OR1B1: variants seen among roughly 807,000 people sequenced by gnomAD.
OR1B1 encodes olfactory receptor 1B1.
For synonymous variants in OR1B1, 168 were observed against 156.2 expected (o/e 1.08, Z -0.57); for missense variants, 414 against 402.1 (o/e 1.03, Z -0.25).
chr9:122,650,092 C>A, the OR1B1 span, among the ~76,000 whole-genome samples: 6 of 152,234 alleles, frequency 3.9e-5, no homozygotes, highest in Admixed American at 3.9e-4. Context: ...AGTTCATGTC[C>A]TTTGCAGGGA....
the OR1B1 span, among the ~76,000 whole-genome samples, chr9:122,640,809 GTAGTCACATGA>G: frequency 3.9e-5 from 6 of 152,082 alleles, no homozygotes; most frequent in Admixed American, 6.6e-5. Context: ...AGTACATCAG[GTAGTCACATGA>G]TCCAGAAGAT....
the OR1B1 span, among the ~76,000 whole-genome samples, chr9:122,646,653 A>AT: frequency 6.6e-6 from 1 of 152,320 alleles, no homozygotes; most frequent in South Asian, 2.1e-4. Flanking sequence ...GCAAGAGGAT[A>AT]TAACAATTAT....
At chr9:122,629,433 C>A in exon 1 of OR1B1, 1 of 1,613,864 alleles carries the variant, frequency 6.2e-7, no homozygotes. Context: ...AGGTAAATAG[C>A]CAGGAACAGG....
chr9:122,634,699 C>A, the OR1B1 span, among the ~76,000 whole-genome samples: 2 of 152,108 alleles, frequency 1.3e-5, no homozygotes, highest in Admixed American at 6.5e-5. Context: ...GGTGGGGACA[C>A]AGGGCCAAAC....
At chr9:122,640,633 A>G in the OR1B1 span, among the ~76,000 whole-genome samples, 16 of 152,292 alleles carry the variant, frequency 1.1e-4, 1 homozygote, top group African/African-American at 3.8e-4. Context: ...AGCAATTGCC[A>G]AAGACTGTTT....
At chr9:122,632,145 C>G (rs1201385200), upstream of OR1B1, among the ~76,000 whole-genome samples, 1 of 152,052 alleles carries the variant, frequency 6.6e-6, no homozygotes, top group African/African-American at 2.4e-5. Flanking sequence ...CACATAAAGT[C>G]TATTCATTAT....
chr9:122,630,936 G>A (rs2118809815), upstream of OR1B1, among the ~76,000 whole-genome samples: 1 of 152,208 alleles, frequency 6.6e-6, no homozygotes, highest in Admixed American at 6.5e-5. Flanking sequence ...TCGAACTCCT[G>A]ATCTCGTGAT....
At chr9:122,638,739 C>G in the OR1B1 span, among the ~76,000 whole-genome samples, 1 of 152,132 alleles carries the variant, frequency 6.6e-6, no homozygotes, top group Non-Finnish European at 1.5e-5. Flanking sequence ...CCAGGCAGGA[C>G]CCATGTTTCC....
At chr9:122,630,694 G>A (rs1588242560), upstream of OR1B1, among the ~76,000 whole-genome samples, 1 of 135,720 alleles carries the variant, frequency 7.4e-6, no homozygotes, top group Non-Finnish European at 1.7e-5. Flanking sequence ...CCTATCCAGG[G>A]TTTTTTTGTT....
chr9:122,649,654 A>C, the OR1B1 span, among the ~76,000 whole-genome samples: 1 of 152,236 alleles, frequency 6.6e-6, no homozygotes, highest in East Asian at 1.9e-4. Flanking sequence ...AAAAAAGCTC[A>C]TCATCACTGG....
At chr9:122,629,554 C>T (rs1412009572) in exon 1 of OR1B1, 1 of 1,498,370 alleles carries the variant, frequency 6.7e-7, no homozygotes, top group Non-Finnish European at 9.1e-7. Flanking sequence ...GTCAGCCTGC[C>T]TGAAAGACAG....
chr9:122,647,353 G>A, the OR1B1 span, among the ~76,000 whole-genome samples: 1 of 151,862 alleles, frequency 6.6e-6, no homozygotes, highest in Non-Finnish European at 1.5e-5. Context: ...CCAGTGGGTC[G>A]ATGATAATGG....
chr9:122,649,058 A>T, the OR1B1 span, among the ~76,000 whole-genome samples: 1 of 152,078 alleles, frequency 6.6e-6, no homozygotes, highest in African/African-American at 2.4e-5. Context: ...CAGACATATA[A>T]ATCAATGGAA....
the OR1B1 span, among the ~76,000 whole-genome samples, chr9:122,635,307 T>TA: frequency 3.3e-5 from 5 of 152,186 alleles, no homozygotes; most frequent in African/African-American, 9.7e-5. Flanking sequence ...TGTAGAACCT[T>TA]ACGTTTTAAA....
chr9:122,633,914 G>A (rs1407321606), upstream of OR1B1, among the ~76,000 whole-genome samples: 2 of 137,388 alleles, frequency 1.5e-5, no homozygotes, highest in East Asian at 2.5e-4. Flanking sequence ...GGGTGACAGG[G>A]TGAGACTATG....
chr9:122,639,765 A>C, the OR1B1 span: 1 of 148,994 alleles, frequency 6.7e-6, no homozygotes, highest in Non-Finnish European at 1.5e-5. Context: ...ATTTCAATAT[A>C]TATTTATATA....
the OR1B1 span, among the ~76,000 whole-genome samples, chr9:122,654,338 G>A: frequency 2.6e-5 from 4 of 152,150 alleles, no homozygotes; most frequent in African/African-American, 7.2e-5. Flanking sequence ...TATCCAGAGC[G>A]AGACTTGCTC....
exon 1 of OR1B1, chr9:122,629,499 C>A (rs77073101): frequency 1.2e-5 from 17 of 1,421,688 alleles, no homozygotes; most frequent in Middle Eastern, 3.5e-4. Context: ...AGCAAAAAAA[C>A]CGGAGAGTGT....
the OR1B1 span, among the ~76,000 whole-genome samples, chr9:122,636,662 C>T: frequency 6.6e-6 from 1 of 152,112 alleles, no homozygotes; most frequent in South Asian, 2.1e-4. Flanking sequence ...CACACATGTA[C>T]ATTCATCACT....
Sources: allele counts gnomAD v4.1 joint callset (sites outside exome capture counted in the v4.1 genomes callset), GRCh38; gene constraint gnomAD v4.1.1; transcripts MANE v1.5; gene names NCBI Gene and HGNC (gene_info 2026-07-23, HGNC 2026-07-21).